The following CNTN5 variants were observed in gnomAD, a reference collection of about 807,000 sequenced individuals.
CNTN5 encodes the protein contactin 5, also known as contactin-5.
Under a neutral mutation model 129.1 loss-of-function variants are expected in CNTN5, and 77 were observed. The observed-to-expected ratio is 0.60, with a 90% confidence interval of 0.50 to 0.72. CNTN5 has a LOEUF of 0.72. CNTN5 is among the 30% of genes least tolerant of loss of function. CNTN5 has a pLI of 0.00. For synonymous variants in CNTN5, 509 were observed against 465.6 expected (o/e 1.09, Z -1.20); for missense variants, 1,478 against 1,328.8 (o/e 1.11, Z -1.75).
chr11:99,422,518 TTATA>T lies in CNTN5; in HGVS notation c.-71+97074_-71+97077del, dbSNP rs71046684. 5.0e-3 allele frequency among the ~76,000 whole-genome samples: 417 copies of T among 83,358 alleles called. 3 individuals carry two copies. The highest frequency in any genetic ancestry group is 6.5e-3 in the Non-Finnish European group (264 of 40,758). 54.7% of individuals were successfully genotyped at this position (83,358 alleles called of 152,430 possible). On this transcript the variant is annotated intron_variant, in intron 2 of 24. Transcript: ENST00000524871. ...AAGCGATTCATGTTACTTTATATTT[TTATA>T]TATATATATATATATATATATATAT...
intron 18 of CNTN5, among the ~76,000 whole-genome samples, chr11:100,283,798 T>C (rs1486867981): frequency 6.6e-6 from 1 of 151,696 alleles, no homozygotes; most frequent in Admixed American, 6.6e-5. Flanking sequence ...ATACAAAAAT[T>C]AGCCGGGCGC....
At position 100,255,837 on chromosome 11, in the gene CNTN5, G is replaced by A. The variant is rs1950055605; in HGVS notation, c.2083G>A (p.Ala695Thr). 1 of 1,613,886 alleles carries A rather than the reference G, an allele frequency of 6.2e-7. No individual in the cohort carries two copies. Among genetic ancestry groups the A allele is most frequent in the Non-Finnish European group, 8.5e-7 (1 of 1,179,868 alleles). Residue 695 changes from alanine to threonine, a missense_variant, in exon 17 of 25, where the codon GCT becomes ACT. Physicochemically the swap from Ala to Thr is moderately conservative, Grantham distance 58. Transcript: ENST00000524871. Reference sequence around the variant, plus strand: ...GGCCACACTGTCCTGGAGCCCAGCAGCTGACAACCACAGCCCAATCTCCTC... The same window carrying A: ...GGCCACACTGTCCTGGAGCCCAGCAACTGACAACCACAGCCCAATCTCCTC... ...STATLSWSPAADNHSPISSYN... is the reference protein window; with the variant it reads ...STATLSWSPATDNHSPISSYN...
intron 7 of CNTN5, among the ~76,000 whole-genome samples, chr11:99,932,299 TCTC>T (rs936704931): frequency 2.0e-4 from 30 of 152,248 alleles, no homozygotes; most frequent in African/African-American, 6.3e-4. Context: ...TTCCAGCAAT[TCTC>T]CTGCCTCAGC....
intron 2 of CNTN5, among the ~76,000 whole-genome samples, chr11:99,339,423 A>T (rs1470677234): frequency 1.3e-5 from 2 of 152,078 alleles, no homozygotes; most frequent in African/African-American, 4.8e-5. Flanking sequence ...GCTCTGAGGC[A>T]TAAAGAATGT....
At chr11:100,221,832 G>A (rs1221051893) in intron 15 of CNTN5, among the ~76,000 whole-genome samples, 1 of 152,080 alleles carries the variant, frequency 6.6e-6, no homozygotes, top group Non-Finnish European at 1.5e-5. Flanking sequence ...AATAAAGCAA[G>A]TGTCAAAGAA....
intron 13 of CNTN5, among the ~76,000 whole-genome samples, chr11:100,175,596 G>T (rs1389330912): frequency 2.0e-5 from 3 of 152,022 alleles, no homozygotes; most frequent in Non-Finnish European, 4.4e-5. Context: ...AGTGAAGGAG[G>T]TTACGAATTA....
intron 1 of CNTN5, among the ~76,000 whole-genome samples, chr11:99,116,548 C>A (rs968728809): frequency 2.0e-5 from 3 of 151,980 alleles, no homozygotes; most frequent in African/African-American, 4.8e-5. Context: ...AATTGACCAA[C>A]AAAATAAATA....
intron 1 of CNTN5, among the ~76,000 whole-genome samples, chr11:99,052,128 G>A (rs962322978): frequency 6.6e-6 from 1 of 151,828 alleles, no homozygotes; most frequent in African/African-American, 2.4e-5. Flanking sequence ...TTGACTGGGA[G>A]ATGTATGGTT....
In CNTN5 at chr11:99,475,300, G is replaced by T. The variant is rs189505899; in HGVS notation, c.-70-80845G>T. ...CTGCCCTGTCATAACACAGCACAAA[G>T]GCCCACATCAGATGCCAGAACTATG... On this transcript the variant is annotated intron_variant, in intron 2 of 24. Transcript: ENST00000524871. 2.3e-3 allele frequency among the ~76,000 whole-genome samples: 344 copies of T among 152,216 alleles called. 1 individual carries two copies. The highest frequency in any genetic ancestry group is 7.9e-3 in the African/African-American group (326 of 41,524).
intron 8 of CNTN5, among the ~76,000 whole-genome samples, chr11:99,992,537 A>T (rs143941300): frequency 1.2e-4 from 19 of 152,326 alleles, no homozygotes; most frequent in Admixed American, 1.1e-3. Context: ...TAATGTTCAT[A>T]AAATCTGCTA....
intron 1 of CNTN5, among the ~76,000 whole-genome samples, chr11:99,118,050 A>G (rs1404754247): frequency 6.6e-6 from 1 of 151,998 alleles, no homozygotes; most frequent in Non-Finnish European, 1.5e-5. Flanking sequence ...AACTTTGCAT[A>G]TTTATTTTAG....
intron 3 of CNTN5, among the ~76,000 whole-genome samples, chr11:99,774,301 T>C (rs1591145287): frequency 6.6e-6 from 1 of 151,926 alleles, no homozygotes; most frequent in Non-Finnish European, 1.5e-5. Flanking sequence ...AATTTAGTGA[T>C]TGTTAAATGA....
intron 2 of CNTN5, among the ~76,000 whole-genome samples, chr11:99,435,616 A>G (rs559315306): frequency 6.4e-4 from 98 of 152,346 alleles, no homozygotes; most frequent in African/African-American, 2.3e-3. Context: ...TTTGGTGAGC[A>G]TTACTTACTC....
chr11:100,208,990 C>T lies in CNTN5; in HGVS notation c.1884+15327C>T, dbSNP rs377421288. On this transcript the variant is annotated intron_variant, in intron 15 of 24. Coordinates refer to ENST00000524871, the MANE Select transcript of CNTN5 (RefSeq NM_014361.4). ...TGCAGCAGGCTAGTCCAAGCTATGT[C>T]GCGTGGTTATCACAGAATTTCAAGA... Among the ~76,000 whole-genome samples the T allele has an allele frequency of 7.2e-5, 11 of 152,126 alleles. No individual in the cohort carries two copies. In the East Asian group the frequency reaches 9.6e-4, roughly 13 times the overall value.
chr11:99,111,056 T>A (rs1331974122), intron 1 of CNTN5, among the ~76,000 whole-genome samples: 1 of 152,186 alleles, frequency 6.6e-6, no homozygotes, highest in East Asian at 1.9e-4. Context: ...ATAGTATGAA[T>A]GAAATTTAAA....
chr11:99,097,911 G>A (rs1866551436), intron 1 of CNTN5, among the ~76,000 whole-genome samples: 1 of 151,836 alleles, frequency 6.6e-6, no homozygotes, highest in Admixed American at 6.6e-5. Flanking sequence ...AAGTAAATAA[G>A]ATTTTAAAAA....
At chr11:99,265,172 G>C (rs1242435823) in intron 1 of CNTN5, among the ~76,000 whole-genome samples, 2 of 151,486 alleles carry the variant, frequency 1.3e-5, no homozygotes, top group Non-Finnish European at 2.9e-5. Flanking sequence ...GAAGAGTAAG[G>C]CATATAGAGA....
chr11:99,848,712 T>C (rs1465044700), intron 6 of CNTN5, among the ~76,000 whole-genome samples: 1 of 152,218 alleles, frequency 6.6e-6, no homozygotes, highest in East Asian at 1.9e-4. Context: ...TACTTATTTT[T>C]ACCTTTTACA....
intron 1 of CNTN5, among the ~76,000 whole-genome samples, chr11:99,076,870 T>C (rs1425291564): frequency 6.6e-6 from 1 of 152,208 alleles, no homozygotes; most frequent in African/African-American, 2.4e-5. Context: ...TATTTTCCAA[T>C]GCTTGAAAAT....
Sources: gnomAD v4.1 joint callset for allele counts (sites outside exome capture counted in the v4.1 genomes callset) on GRCh38, gnomAD v4.1.1 for gene constraint, MANE v1.5 for transcripts, NCBI Gene and HGNC (gene_info 2026-07-23, HGNC 2026-07-21) for gene names.